Variants in LARGE1 observed in about 807,000 individuals in gnomAD.
The protein encoded by LARGE1 is LARGE xylosyl- and glucuronyltransferase 1.
LARGE1 carries 43 observed loss-of-function variants against 87.6 expected under a neutral mutation model. The ratio of observed to expected loss-of-function variants is 0.49; its 90% CI spans 0.38 to 0.63. The LOEUF is 0.63. Ranked by LOEUF, LARGE1 falls within the 30% of genes least tolerant of loss-of-function variation. The pLI is 0.00. For missense variants in LARGE1, 802 were observed against 1,000.2 expected, an observed-to-expected ratio of 0.80 and a Z score of 2.67; for synonymous variants, 434 against 394.6, an observed-to-expected ratio of 1.10 and a Z score of -1.18.
downstream of LARGE1, among the ~76,000 whole-genome samples, chr22:33,160,746 A>T (rs1031344011): frequency 6.6e-6 from 1 of 152,230 alleles, no homozygotes; most frequent in Admixed American, 6.5e-5. Context: ...TGTTCCAGAC[A>T]TAGTGATAGA....
rs143413497 is a variant in LARGE1 at position 33,749,995 on chromosome 22, T to A, written c.106+11376A>T. On this transcript the variant is annotated intron_variant, in intron 2 of 14. Transcript: ENST00000397394. ...ACGTCCCTGAGCCTTAGTTTCCTCA[T>A]CTATAAAATGGGACAAGGATGAAGT... Among the ~76,000 whole-genome samples, 1,042 of 152,288 alleles carry A rather than the reference T, an allele frequency of 6.8e-3. 3 individuals are homozygous for A. Among genetic ancestry groups the A allele is most frequent in the Middle Eastern group, 0.027 (8 of 294 alleles).
At chr22:33,529,062 T>C (rs1044235222) in intron 6 of LARGE1, among the ~76,000 whole-genome samples, 76 of 152,180 alleles carry the variant, frequency 5.0e-4, no homozygotes, top group African/African-American at 1.7e-3. Context: ...GAATAGCACT[T>C]TTTTTCCTCT....
At chr22:33,520,298 A>T (rs921118203) in intron 6 of LARGE1, among the ~76,000 whole-genome samples, 1 of 151,854 alleles carries the variant, frequency 6.6e-6, no homozygotes, top group African/African-American at 2.4e-5. Flanking sequence ...CTGGTTTTGA[A>T]ACCCTGGGCT....
intron 7 of LARGE1, among the ~76,000 whole-genome samples, chr22:33,410,119 G>A (rs992822213): frequency 6.6e-5 from 10 of 152,086 alleles, no homozygotes; most frequent in Non-Finnish European, 1.5e-4. Flanking sequence ...CACCCTAGAG[G>A]TTCTAATTTA....
intron 2 of LARGE1, among the ~76,000 whole-genome samples, chr22:33,678,302 G>T (rs1365598117): frequency 1.3e-5 from 2 of 152,144 alleles, no homozygotes; most frequent in African/African-American, 4.8e-5. Context: ...AGAGTGAGAA[G>T]GAACAATACC....
the LARGE1 span, among the ~76,000 whole-genome samples, chr22:33,078,913 G>T: frequency 6.6e-6 from 1 of 152,202 alleles, no homozygotes; most frequent in East Asian, 1.9e-4. Context: ...AAATGTGAGA[G>T]AAAATATCAC....
At chr22:33,880,168 T>C (rs1307072181) in intron 1 of LARGE1, among the ~76,000 whole-genome samples, 1 of 152,220 alleles carries the variant, frequency 6.6e-6, no homozygotes, top group African/African-American at 2.4e-5. Flanking sequence ...TCTGCAAGCA[T>C]TTCCGGAAGA....
chr22:33,677,288 T>TAAA (rs779032764), intron 2 of LARGE1, among the ~76,000 whole-genome samples: 2 of 110,174 alleles, frequency 1.8e-5, no homozygotes, highest in Non-Finnish European at 4.0e-5. Context: ...TTTCAGGAGT[T>TAAA]AAAAAAAAAA....
At chr22:33,626,066 C>T (rs536931993) in intron 4 of LARGE1, among the ~76,000 whole-genome samples, 178 bp downstream of exon 4, 6 of 152,328 alleles carry the variant, frequency 3.9e-5, no homozygotes, top group African/African-American at 1.2e-4. Flanking sequence ...AGCACCTAAT[C>T]GCTGTCATTA....
the LARGE1 span, among the ~76,000 whole-genome samples, chr22:33,097,730 G>A: frequency 1.3e-5 from 2 of 152,156 alleles, no homozygotes; most frequent in Non-Finnish European, 2.9e-5. Flanking sequence ...AACAGTTGAG[G>A]TCAAATAAGA....
chr22:33,226,600 C>T (rs1301099716), intron 11 of LARGE1, among the ~76,000 whole-genome samples: 1 of 152,178 alleles, frequency 6.6e-6, no homozygotes, highest in Non-Finnish European at 1.5e-5. Context: ...ATTACAATTC[C>T]AACACCTTCT....
intron 10 of LARGE1, among the ~76,000 whole-genome samples, chr22:33,317,051 A>C (rs2146314368): frequency 6.6e-6 from 1 of 152,050 alleles, no homozygotes; most frequent in African/African-American, 2.4e-5. Context: ...CTGTCTCCAC[A>C]AAAAATACAA....
intron 1 of LARGE1, among the ~76,000 whole-genome samples, chr22:33,898,300 G>GCC (rs60947900): frequency 6.6e-6 from 1 of 152,236 alleles, no homozygotes; most frequent in East Asian, 1.9e-4. Flanking sequence ...CAAGTGCCCC[G>GCC]CCCCCCATCC....
At chr22:33,445,220 A>T (rs2067639494) in intron 6 of LARGE1, among the ~76,000 whole-genome samples, 1 of 152,158 alleles carries the variant, frequency 6.6e-6, no homozygotes. Context: ...TCAAGGTCCC[A>T]TCTCAAAATA....
the LARGE1 span, among the ~76,000 whole-genome samples, chr22:33,133,279 C>T: frequency 6.6e-6 from 1 of 152,114 alleles, no homozygotes; most frequent in Non-Finnish European, 1.5e-5. Context: ...TTGCTGCACC[C>T]ATCAACCCGT....
intron 6 of LARGE1, among the ~76,000 whole-genome samples, chr22:33,486,951 T>C (rs987921363): frequency 2.6e-5 from 4 of 152,220 alleles, no homozygotes; most frequent in Admixed American, 1.3e-4. Flanking sequence ...ATAACTGTGC[T>C]CTTATTGTAA....
rs535556113 is a variant in LARGE1 at position 33,655,564 on chromosome 22, G to A, written c.107-4896C>T. Reference sequence around the variant, plus strand: ...CTTGTCAGCTTCCATAATCATGCAAGCCAATTCCTTACAATAAACATAGCT... The same window carrying A: ...CTTGTCAGCTTCCATAATCATGCAAACCAATTCCTTACAATAAACATAGCT... On this transcript the variant is annotated intron_variant, in intron 2 of 14. Transcript: ENST00000397394. Among the ~76,000 whole-genome samples, 5 of 152,238 alleles carry A rather than the reference G, an allele frequency of 3.3e-5. No homozygotes were observed. In the Middle Eastern group the frequency reaches 0.01, roughly 311 times the overall value.
chr22:33,271,262 A>T (rs546137117), downstream of LARGE1, among the ~76,000 whole-genome samples: 4 of 152,334 alleles, frequency 2.6e-5, no homozygotes, highest in East Asian at 7.7e-4. Flanking sequence ...AGGAAGTAGC[A>T]TTGCAGGTTA....
chr22:33,882,027 TTG>T (rs2064700744), intron 1 of LARGE1, among the ~76,000 whole-genome samples: 2 of 144,444 alleles, frequency 1.4e-5, no homozygotes, highest in Non-Finnish European at 3.0e-5. Flanking sequence ...CGGGGTTTTT[TTG>T]TTTTTGTTTT....
Sources: allele counts gnomAD v4.1 joint callset (sites outside exome capture counted in the v4.1 genomes callset), GRCh38; gene constraint gnomAD v4.1.1; transcripts MANE v1.5; gene names NCBI Gene and HGNC (gene_info 2026-07-23, HGNC 2026-07-21).